PSG9: variants seen among roughly 807,000 people sequenced by gnomAD.
PSG9 encodes pregnancy specific beta-1-glycoprotein 9, also known as pregnancy-specific beta-1-glycoprotein 9.
A neutral mutation model predicts 41.9 loss-of-function variants in PSG9; 49 were observed. That is an observed-to-expected ratio of 1.17 (90% CI 0.93 to 1.48). PSG9 has a LOEUF of 1.48. PSG9 is among the 40% of genes most tolerant of loss of function. The probability of loss-of-function intolerance (pLI) is 0.00; values close to 1 mark genes in which losing one functional copy is unlikely to be tolerated. For missense variants in PSG9, 641 were observed against 520.3 expected (o/e 1.23, Z -2.26); for synonymous variants, 263 against 196.8 (o/e 1.34, Z -2.82).
intron 5 of PSG9, 115 bp downstream of exon 5, chr19:43,258,087 T>A: frequency 1.3e-6 from 2 of 1,589,222 alleles, no homozygotes; most frequent in Non-Finnish European, 1.7e-6. Flanking sequence ...AATTTGGGAT[T>A]TGCTTGTGCC....
rs148221017 is a variant in PSG9, at chr19:43,253,313, A to G, written c.*296T>C. ...AACATGTGCAAATAACTTTATTACC[A>G]TAAACCTATGAATACTCATGAATAG... On this transcript the variant is annotated 3_prime_UTR_variant, in exon 6 of 6. Coordinates refer to ENST00000270077, the MANE Select transcript of PSG9 (RefSeq NM_002784.5). 5.3e-3 allele frequency: 1,344 copies of G among 255,776 alleles called. 178 individuals carry two copies. Among genetic ancestry groups the G allele is most frequent in the African/African-American group, 0.026 (1,079 of 40,940 alleles). The allele number at this position is 255,776 out of a possible 1,614,324, so 15.8% of individuals were successfully genotyped here. A position where few individuals can be genotyped will look rare whatever the true frequency, so the allele number is the denominator to read the frequency against.
At chr19:43,256,461 A>C (rs1453126420) in intron 5 of PSG9, among the ~76,000 whole-genome samples, 1 of 147,048 alleles carries the variant, frequency 6.8e-6, no homozygotes, top group Non-Finnish European at 1.5e-5. Flanking sequence ...ATTCATTTCC[A>C]GAATACATGA....
At chr19:43,269,239 CG>C (rs762751125) in intron 1 of PSG9, 128 bp downstream of exon 1, 22 of 1,483,338 alleles carry the variant, frequency 1.5e-5, no homozygotes, top group African/African-American at 2.8e-5. Context: ...CTCCTGATCT[CG>C]TGATCCACCC....
chr19:43,267,415 G>A (rs559914804), intron 2 of PSG9, among the ~76,000 whole-genome samples: 5 of 152,096 alleles, frequency 3.3e-5, no homozygotes, highest in South Asian at 2.1e-4. Flanking sequence ...CTAGGGCTGA[G>A]CTTCTCTGAG....
At position 43,267,420 on chromosome 19, in the gene PSG9, T is replaced by C. The variant is rs181393322; in HGVS notation, c.430+364A>G. 8.4e-3 allele frequency among the ~76,000 whole-genome samples: 1,275 copies of C among 152,072 alleles called. 14 individuals are homozygous for C. The highest frequency in any genetic ancestry group is 0.028 in the African/African-American group (1,176 of 41,384). On this transcript the variant is annotated intron_variant, in intron 2 of 5. Coordinates refer to ENST00000270077, the MANE Select transcript of PSG9 (RefSeq NM_002784.5). The stretch of plus-strand genomic sequence containing the variant: ...GTTGAGGCTTCTAGGGCTGAGCTTC[T>C]CTGAGAGTATCTCAGGGGTCCCCTC...
At chr19:43,263,814 T>C (rs1167032812) in intron 2 of PSG9, among the ~76,000 whole-genome samples, 1 of 152,014 alleles carries the variant, frequency 6.6e-6, no homozygotes, top group Non-Finnish European at 1.5e-5. Flanking sequence ...AGAGTCCCGT[T>C]AAAAGGACCG....
At position 43,267,994 on chromosome 19, in the gene PSG9, C is replaced by A. The variant is rs1270948981; in HGVS notation, c.220G>T (p.Asp74Tyr). ...GYFWYKGEMT[D>Y]LYHYIISYIV... ...TACGATATAATGTAATGGTAGAGGTCCGTCATTTCCCCTTTGTACCAGAAG... is the reference window on the plus strand; with the variant it reads ...TACGATATAATGTAATGGTAGAGGTACGTCATTTCCCCTTTGTACCAGAAG... The change falls in exon 2 of 6, where the codon GAC becomes TAC. Residue 74 changes from aspartate to tyrosine, a missense_variant. By Grantham distance (160) the Asp-to-Tyr change is radical. Coordinates refer to ENST00000270077, the MANE Select transcript of PSG9 (RefSeq NM_002784.5). The A allele has an allele frequency of 2.5e-6, 4 of 1,613,764 alleles. No individual in the cohort carries two copies. The highest frequency in any genetic ancestry group is 3.4e-6 in the Non-Finnish European group (4 of 1,179,844).
chr19:43,258,785 T>G, intron 4 of PSG9, 72 bp downstream of exon 4: 3 of 1,557,718 alleles, frequency 1.9e-6, no homozygotes, highest in Non-Finnish European at 2.6e-6. Flanking sequence ...GGAGAGAGAC[T>G]GAGAGGCCTG....
In PSG9 at chr19:43,259,152, G is replaced by A; in HGVS notation, c.710-17C>T. 1 of 1,588,174 alleles carries A rather than the reference G, an allele frequency of 6.3e-7. No homozygotes were observed. Among genetic ancestry groups the A allele is most frequent in the South Asian group, 1.1e-5 (1 of 89,626 alleles). The stretch of plus-strand genomic sequence containing the variant: ...GCAGCTTCGCTGTGTGGATAACAGA[G>A]AGAAGATTGTCCTGTGTGGCACCTT... On this transcript the variant is annotated splice_polypyrimidine_tract_variant and intron_variant, in intron 3 of 5. Transcript: ENST00000270077.
chr19:43,263,648 T>C (rs1968832673), intron 2 of PSG9, among the ~76,000 whole-genome samples: 1 of 152,118 alleles, frequency 6.6e-6, no homozygotes, highest in Non-Finnish European at 1.5e-5. Flanking sequence ...TGGAAACTTT[T>C]ACTGATGGTC....
At chr19:43,266,913 G>A (rs1968996200) in intron 2 of PSG9, among the ~76,000 whole-genome samples, 1 of 152,120 alleles carries the variant, frequency 6.6e-6, no homozygotes, top group South Asian at 2.1e-4. Context: ...AATGGACTGT[G>A]GCTTTTCATG....
Position 43,258,760 on chromosome 19 carries a change from G to A in PSG9, c.988+97C>T, listed in dbSNP as rs947874328. 2.0e-5 allele frequency: 31 copies of A among 1,519,370 alleles called. 4 individuals are homozygous for A. The highest frequency in any genetic ancestry group is 1.1e-4 in the East Asian group (4 of 36,786). The allele number at this position is 1,519,370 out of a possible 1,614,324, so 94.1% of individuals were successfully genotyped here. A position where few individuals can be genotyped will look rare whatever the true frequency, so the allele number is the denominator to read the frequency against. On this transcript the variant is annotated intron_variant, in intron 4 of 5. Coordinates refer to ENST00000270077, the MANE Select transcript of PSG9 (RefSeq NM_002784.5). Reference sequence around the variant, plus strand: ...ACCTCGGATGTCTAGAAGTAAAGGTGTCTATACTTGGACCGGAGAGAGACT... The same window carrying A: ...ACCTCGGATGTCTAGAAGTAAAGGTATCTATACTTGGACCGGAGAGAGACT...
intron 2 of PSG9, among the ~76,000 whole-genome samples, chr19:43,263,328 G>GT: frequency 6.6e-6 from 1 of 152,228 alleles, no homozygotes; most frequent in East Asian, 1.9e-4. Flanking sequence ...TTAAAACAAA[G>GT]TGTTTTGGAT....
At chr19:43,265,515 C>T (rs1476076053) in intron 2 of PSG9, among the ~76,000 whole-genome samples, 1 of 151,992 alleles carries the variant, frequency 6.6e-6, no homozygotes, top group Non-Finnish European at 1.5e-5. Flanking sequence ...CCTCCGGCCG[C>T]ATGATTCCAT....
intron 2 of PSG9, among the ~76,000 whole-genome samples, chr19:43,266,881 C>A (rs1221579938): frequency 1.3e-5 from 2 of 152,246 alleles, no homozygotes; most frequent in East Asian, 3.9e-4. Flanking sequence ...AGTTTTCTCT[C>A]AATCAAATAA....
intron 2 of PSG9, among the ~76,000 whole-genome samples, chr19:43,262,995 G>A (rs1177061558): frequency 6.6e-6 from 1 of 152,226 alleles, no homozygotes; most frequent in Non-Finnish European, 1.5e-5. Context: ...AACATGAACA[G>A]ATGATGGAAG....
chr19:43,258,902 G>A lies in PSG9; in HGVS notation c.943C>T (p.Arg315Ter), dbSNP rs754202086. Residue 315 changes from arginine (R) to a stop codon, truncating the protein, a stop_gained, in exon 4 of 6, where the codon CGA becomes TGA. Transcript: ENST00000270077. LOFTEE classifies it high-confidence loss of function. ...TGPYQCEIRD[R>*]YGGLRSNPVI... ...GGGTTACTGCGGAGGCCACCATATC[G>A]GTCCCGTATTTCACATTGATAGGGT... The A allele has an allele frequency of 2.6e-5, 41 of 1,588,140 alleles. 9 individuals carry two copies. Among genetic ancestry groups the A allele is most frequent in the African/African-American group, 7.1e-5 (5 of 69,942 alleles).
chr19:43,254,960 A>T (rs1292081386), intron 5 of PSG9, among the ~76,000 whole-genome samples: 1 of 144,270 alleles, frequency 6.9e-6, no homozygotes, highest in Non-Finnish European at 1.5e-5. Flanking sequence ...GCATGGTGAC[A>T]TGCACCTGTA....
At chr19:43,265,987 C>A (rs368636460) in intron 2 of PSG9, among the ~76,000 whole-genome samples, 2 of 151,960 alleles carry the variant, frequency 1.3e-5, no homozygotes, top group African/African-American at 4.8e-5. Flanking sequence ...AACCGAACAG[C>A]CAGCCTAGTT....
Sources: allele counts gnomAD v4.1 joint callset (sites outside exome capture counted in the v4.1 genomes callset), GRCh38; gene constraint gnomAD v4.1.1; transcripts MANE v1.5; gene names NCBI Gene and HGNC (gene_info 2026-07-23, HGNC 2026-07-21).